The following WDR27 variants were observed in gnomAD, a reference collection of about 807,000 sequenced individuals.
The protein encoded by WDR27 is WD repeat domain 27, also known as WD repeat-containing protein 27.
WDR27 carries 100 observed loss-of-function variants against 114.4 expected under a neutral mutation model. That is an observed-to-expected ratio of 0.87 (90% confidence interval 0.74 to 1.03). The LOEUF (loss-of-function observed/expected upper bound fraction) is 1.03. WDR27 is among the 50% of genes least tolerant of loss of function. The pLI, the probability that WDR27 is intolerant of heterozygous loss-of-function variation, is 0.00. For missense variants in WDR27, 1,129 were observed against 1,092.9 expected, an observed-to-expected ratio of 1.03 and a Z score of -0.47; for synonymous variants, 449 against 423.1, an observed-to-expected ratio of 1.06 and a Z score of -0.75.
At chr6:169,459,730 T>G (rs191732734) in intron 25 of WDR27, among the ~76,000 whole-genome samples, 2 of 152,128 alleles carry the variant, frequency 1.3e-5, no homozygotes, top group African/African-American at 2.4e-5. Flanking sequence ...AAGGATTCTC[T>G]GAGATTATCA....
chr6:169,621,358 A>ATG, intron 21 of WDR27, among the ~76,000 whole-genome samples: 3 of 151,356 alleles, frequency 2.0e-5, no homozygotes, highest in Non-Finnish European at 4.4e-5. Flanking sequence ...ATGTAGACAT[A>ATG]CGCACACATG....
chr6:169,607,175 G>A (rs982102274), intron 22 of WDR27, among the ~76,000 whole-genome samples: 1 of 152,114 alleles, frequency 6.6e-6, no homozygotes, highest in African/African-American at 2.4e-5. Flanking sequence ...GCAAAACAAT[G>A]TGAAGATCTC....
At chr6:169,438,236 CTTTTTTTT>C in the WDR27 span, among the ~76,000 whole-genome samples, 4 of 105,432 alleles carry the variant, frequency 3.8e-5, no homozygotes, top group Non-Finnish European at 3.9e-5. Context: ...TTTACTTTTT[CTTTTTTTT>C]TTTTTTTTTT....
At position 169,621,827 on chromosome 6, in the gene WDR27, C is replaced by T. The variant is rs980944068; in HGVS notation, c.2224-8171G>A. Among the ~76,000 whole-genome samples, 4 of 152,156 alleles carry T rather than the reference C, an allele frequency of 2.6e-5. No homozygotes were observed. In the East Asian group the frequency reaches 5.8e-4, roughly 22 times the overall value. On this transcript the variant is annotated intron_variant, in intron 21 of 25. Transcript: ENST00000448612. The stretch of plus-strand genomic sequence containing the variant: ...ACACATGCATTCATACATATACACA[C>T]GTATTCACGCATATACACACATATT...
intron 25 of WDR27, among the ~76,000 whole-genome samples, chr6:169,552,973 G>GGTGTGTGTGTGTGTGTGTGTGT (rs3975497): frequency 3.2e-5 from 2 of 61,792 alleles, no homozygotes; most frequent in Non-Finnish European, 3.3e-5. Context: ...GGGCCTGCCC[G>GGTGTGTGTGTGTGTGTGTGTGT]GTGTGTGTGT....
the WDR27 span, among the ~76,000 whole-genome samples, chr6:169,429,695 G>A: frequency 1.3e-5 from 2 of 152,054 alleles, no homozygotes; most frequent in South Asian, 2.1e-4. Context: ...CAACTTTGTC[G>A]GGCACCACAG....
chr6:169,460,687 T>A (rs1784804770), intron 25 of WDR27, among the ~76,000 whole-genome samples: 1 of 152,168 alleles, frequency 6.6e-6, no homozygotes, highest in Non-Finnish European at 1.5e-5. Context: ...TAGTTGCCTC[T>A]CAATATACTT....
intron 1 of WDR27, among the ~76,000 whole-genome samples, chr6:169,700,611 G>C (rs192771343): frequency 6.6e-6 from 1 of 152,310 alleles, no homozygotes; most frequent in East Asian, 1.9e-4. Context: ...AAGAATTTTA[G>C]GCTGCAGCTT....
chr6:169,642,435 A>C (rs777415485), intron 17 of WDR27, among the ~76,000 whole-genome samples: 15 of 152,176 alleles, frequency 9.9e-5, no homozygotes, highest in East Asian at 1.9e-4. Flanking sequence ...TCAACAGAAC[A>C]ACCACTCATA....
chr6:169,686,364 G>C (rs139610043), intron 2 of WDR27, among the ~76,000 whole-genome samples: 71 of 152,066 alleles, frequency 4.7e-4, no homozygotes, highest in Non-Finnish European at 1.5e-5. Flanking sequence ...ACGAACAAAA[G>C]ATATACAACT....
intron 13 of WDR27, among the ~76,000 whole-genome samples, chr6:169,655,635 G>A (rs767290926): frequency 5.9e-5 from 9 of 152,170 alleles, no homozygotes; most frequent in Non-Finnish European, 1.3e-4. Flanking sequence ...AAGACTTCTC[G>A]GTGCCTCTTT....
In WDR27 at chr6:169,670,682, G is replaced by A. The variant is rs1325205162; in HGVS notation, c.343C>T (p.Arg115Ter). 6.8e-6 allele frequency: 11 copies of A among 1,613,942 alleles called. No homozygotes were observed. Among genetic ancestry groups the A allele is most frequent in the Middle Eastern group, 1.6e-4 (1 of 6,062 alleles). ...AAAAGCGAGCCCATGACAGTCCCTC[G>A]AGGGACCAGCCCTAGAGTGAGTTTC... ...REKVLQGLVP[R>*]GTVMGSLLGK... Residue 115 changes from arginine (R) to a stop codon, truncating the protein, a stop_gained, in exon 4 of 26, where the codon CGA becomes TGA. Coordinates refer to ENST00000448612, the MANE Select transcript of WDR27 (RefSeq NM_182552.5). LOFTEE classifies it high-confidence loss of function.
intron 4 of WDR27, chr6:169,668,687 C>T (rs1828576926): frequency 6.5e-6 from 1 of 154,316 alleles, no homozygotes; most frequent in Admixed American, 6.4e-5. Context: ...ATCGGGGGTT[C>T]CTAATGGTCA....
At chr6:169,451,924 C>T in the WDR27 span, among the ~76,000 whole-genome samples, 1 of 152,054 alleles carries the variant, frequency 6.6e-6, no homozygotes, top group Non-Finnish European at 1.5e-5. Context: ...CGTCTTTTGG[C>T]TGATATAATA....
intron 1 of WDR27, among the ~76,000 whole-genome samples, chr6:169,697,232 C>T (rs1253652022): frequency 1.3e-5 from 2 of 152,106 alleles, no homozygotes; most frequent in African/African-American, 4.8e-5. Flanking sequence ...GAGATAGGAG[C>T]TGAGGGGACA....
chr6:169,640,846 C>T (rs1401093900), intron 17 of WDR27, among the ~76,000 whole-genome samples: 1 of 152,240 alleles, frequency 6.6e-6, no homozygotes, highest in Non-Finnish European at 1.5e-5. Flanking sequence ...CGCGAGAGGT[C>T]GCACAGGAGG....
At chr6:169,507,883 G>C (rs1792217810) in intron 25 of WDR27, among the ~76,000 whole-genome samples, 1 of 152,188 alleles carries the variant, frequency 6.6e-6, no homozygotes, top group Non-Finnish European at 1.5e-5. Context: ...CTTCACAACT[G>C]TGCTAGCCAC....
chr6:169,645,036 TAAAAAAAAA>T (rs369797685), intron 16 of WDR27, among the ~76,000 whole-genome samples: 1 of 76,926 alleles, frequency 1.3e-5, no homozygotes, highest in Non-Finnish European at 2.5e-5. Flanking sequence ...AAAAAAAAAA[TAAAAAAAAA>T]AAAAAAAAAA....
chr6:169,586,762 T>A (rs1009873102), intron 23 of WDR27, among the ~76,000 whole-genome samples: 1 of 143,266 alleles, frequency 7.0e-6, no homozygotes, highest in Non-Finnish European at 1.5e-5. Context: ...GGCAGGAGAA[T>A]TGCTTGAACC....
Sources: gnomAD v4.1 joint callset for allele counts (sites outside exome capture counted in the v4.1 genomes callset) on GRCh38, gnomAD v4.1.1 for gene constraint, MANE v1.5 for transcripts, NCBI Gene and HGNC (gene_info 2026-07-23, HGNC 2026-07-21) for gene names.